Variants in CELF5 observed in about 807,000 individuals in gnomAD.
CELF5 encodes the protein CUGBP Elav-like family member 5.
Under a neutral mutation model 54.9 loss-of-function variants are expected in CELF5, and 6 were observed. That is an observed-to-expected ratio of 0.11 (90% confidence interval 0.06 to 0.22). The LOEUF is 0.22. CELF5 is among the 10% of genes least tolerant of loss of function. The pLI, the probability that CELF5 is intolerant of heterozygous loss-of-function variation, is 1.00. For synonymous variants in CELF5, 271 were observed against 290.9 expected (o/e 0.93, Z 0.70); for missense variants, 401 against 678.6 (o/e 0.59, Z 4.54).
In CELF5 at chr19:3,275,019, C is replaced by G. The variant is rs1199281202; in HGVS notation, c.395-837C>G. 1.3e-5 allele frequency among the ~76,000 whole-genome samples: 2 copies of G among 152,074 alleles called. No individual in the cohort carries two copies. Among genetic ancestry groups the G allele is most frequent in the Non-Finnish European group, 2.9e-5 (2 of 68,018 alleles). On this transcript the variant is annotated intron_variant, in intron 3 of 12. Coordinates refer to ENST00000292672, the MANE Select transcript of CELF5 (RefSeq NM_021938.4). This position sits in a 1 kb window ranked among gnomAD's most constrained non-coding sequence, Gnocchi z 6.7. ...CTTTCGCGCGCACTCTCTCTCTGAT[C>G]TGTCTCTCTCTCTCCCTGATTCTCA...
chr19:3,275,816 A>G lies in CELF5; in HGVS notation c.395-40A>G, dbSNP rs1185383421. On this transcript the variant is annotated intron_variant, in intron 3 of 12. Transcript: ENST00000292672. This position sits in a 1 kb window ranked among gnomAD's most constrained non-coding sequence, Gnocchi z 6.7. ...GGAGGAATCCCGGAGGCCCTCCCGGAGGCCGGGGACTCGGCTGAGGTGGGT... is the reference window on the plus strand; with the variant it reads ...GGAGGAATCCCGGAGGCCCTCCCGGGGGCCGGGGACTCGGCTGAGGTGGGT... 2 of 1,579,910 alleles carry G rather than the reference A, an allele frequency of 1.3e-6. No individual in the cohort carries two copies. The highest frequency in any genetic ancestry group is 4.6e-5 in the East Asian group (2 of 43,928).
intron 2 of CELF5, among the ~76,000 whole-genome samples, chr19:3,266,417 A>G (rs910589185): frequency 6.6e-6 from 1 of 151,484 alleles, no homozygotes; most frequent in Non-Finnish European, 1.5e-5. Flanking sequence ...AGTGAGACCC[A>G]GTACAAACAA....
At chr19:3,277,035 A>G (rs543261706) in intron 4 of CELF5, among the ~76,000 whole-genome samples, 17 of 152,216 alleles carry the variant, frequency 1.1e-4, no homozygotes, top group African/African-American at 2.9e-4. Flanking sequence ...CTGTCTGTCT[A>G]TCTTCCTGCC....
chr19:3,229,045 C>G (rs371513223), intron 1 of CELF5, among the ~76,000 whole-genome samples: 1 of 151,734 alleles, frequency 6.6e-6, no homozygotes, highest in South Asian at 2.1e-4. Context: ...TTCATAAGGC[C>G]CCGGAGCCTC....
At chr19:3,227,354 T>G (rs1026701606) in intron 1 of CELF5, among the ~76,000 whole-genome samples, 4 of 152,252 alleles carry the variant, frequency 2.6e-5, no homozygotes, top group Admixed American at 2.6e-4. Flanking sequence ...GTCAGGATTT[T>G]TGGGGAGAGG....
At position 3,282,326 on chromosome 19, in the gene CELF5, C is replaced by T. The variant is rs752836909; in HGVS notation, c.893-26C>T. On this transcript the variant is annotated intron_variant, in intron 7 of 12. Transcript: ENST00000292672. This position sits in a 1 kb window ranked among gnomAD's most constrained non-coding sequence, Gnocchi z 5.2. ...GCAGGGCTGGAGCCAGAACTGGCCT[C>T]CCCATGACCCTCTTCCGCTCTGCAG... 1.9e-6 allele frequency: 3 copies of T among 1,608,418 alleles called. No individual in the cohort carries two copies. The highest frequency in any genetic ancestry group is 1.7e-5 in the Admixed American group (1 of 60,006).
chr19:3,261,325 G>A (rs1296794935), intron 2 of CELF5, among the ~76,000 whole-genome samples: 1 of 152,066 alleles, frequency 6.6e-6, no homozygotes, highest in Admixed American at 6.6e-5. Flanking sequence ...GGCTGAGGCA[G>A]GAGAATTGCT....
intron 1 of CELF5, among the ~76,000 whole-genome samples, chr19:3,244,080 C>G (rs1342145081): frequency 6.6e-6 from 1 of 151,988 alleles, no homozygotes; most frequent in African/African-American, 2.4e-5. Flanking sequence ...TGAATCAAAG[C>G]TCTATTTATC....
intron 1 of CELF5, chr19:3,225,503 C>T (rs1332748838): frequency 2.2e-6 from 2 of 919,930 alleles, no homozygotes; most frequent in African/African-American, 1.9e-5. Context: ...TCCCCAGGCC[C>T]CGTCGGGGAA....
rs974441719 is a variant in CELF5 at position 3,281,726 on chromosome 19, G to A, written c.750+381G>A. Among the ~76,000 whole-genome samples the A allele has an allele frequency of 5.9e-5, 9 of 152,104 alleles. No individual in the cohort carries two copies. Among genetic ancestry groups the A allele is most frequent in the Admixed American group, 3.9e-4 (6 of 15,256 alleles). On this transcript the variant is annotated intron_variant, in intron 6 of 12. Transcript: ENST00000292672. The surrounding 1 kb of genome is among the most constrained non-coding windows in gnomAD (Gnocchi z 6.5). ...GCTCCTGACTGAACCCTGATCCCAG[G>A]CTGAGCCTCAATTTCTAACTAAACC...
In CELF5 at chr19:3,224,976, C is replaced by G; in HGVS notation, c.237C>G (p.Asp79Glu). The change falls in exon 1 of 13, where the codon GAC (aspartate) becomes GAG (glutamate). Residue 79 changes from aspartate to glutamate, a missense_variant. Transcript: ENST00000292672. ...GRIYELTVLKDPYTGMHKGCA... is the reference protein window; with the variant it reads ...GRIYELTVLKEPYTGMHKGCA... ...TCTACGAGCTCACGGTGCTCAAAGA[C>G]CCCTACACGGGGATGCACAAAGGTG... The G allele has an allele frequency of 6.3e-7, 1 of 1,599,780 alleles. No individual in the cohort carries two copies. The highest frequency in any genetic ancestry group is 8.5e-7 in the Non-Finnish European group (1 of 1,173,812).
intron 1 of CELF5, among the ~76,000 whole-genome samples, chr19:3,233,650 C>A (rs576803354): frequency 1.3e-5 from 2 of 152,160 alleles, no homozygotes; most frequent in East Asian, 3.9e-4. Flanking sequence ...GCAAGGAGGC[C>A]CTTGTGGCTG....
intron 1 of CELF5, among the ~76,000 whole-genome samples, chr19:3,241,101 C>T (rs989262247): frequency 1.4e-5 from 2 of 147,946 alleles, no homozygotes; most frequent in Non-Finnish European, 3.0e-5. Context: ...CTTGCTCTGT[C>T]ACCAGGCTGG....
intron 2 of CELF5, among the ~76,000 whole-genome samples, chr19:3,273,289 G>C (rs778319855): frequency 3.9e-5 from 6 of 152,026 alleles, no homozygotes; most frequent in Non-Finnish European, 7.4e-5. Flanking sequence ...ACTGGGCTTA[G>C]CTGGGTCAGG....
chr19:3,274,688 CCTCTCCATCTCA>C (rs1029198443), intron 3 of CELF5, among the ~76,000 whole-genome samples: 8 of 152,250 alleles, frequency 5.3e-5, no homozygotes, highest in Admixed American at 4.6e-4. Flanking sequence ...TTGTATATTT[CCTCTCCATCTCA>C]AGTGGAGACT....
chr19:3,225,685 G>C (rs1916866965), intron 1 of CELF5: 1 of 748,348 alleles, frequency 1.3e-6, no homozygotes, highest in Non-Finnish European at 1.6e-6. Context: ...CGCCTGCCTC[G>C]GGTGGCGGAG....
intron 2 of CELF5, among the ~76,000 whole-genome samples, chr19:3,251,645 A>G (rs1372592010): frequency 1.4e-5 from 2 of 143,994 alleles, no homozygotes. Flanking sequence ...CCTTAACACA[A>G]GGGCTTCTTT....
intron 2 of CELF5, among the ~76,000 whole-genome samples, chr19:3,262,560 C>T (rs2079819955): frequency 6.6e-6 from 1 of 152,092 alleles, no homozygotes; most frequent in South Asian, 2.1e-4. Context: ...TCATGGACAG[C>T]ATAGGTCTAG....
Position 3,284,884 on chromosome 19 carries a change from C to G in CELF5, c.1040-18C>G. 6.2e-7 allele frequency: 1 copy of G among 1,612,394 alleles called. No homozygotes were observed. Among genetic ancestry groups the G allele is most frequent in the Non-Finnish European group, 8.5e-7 (1 of 1,178,974 alleles). On this transcript the variant is annotated intron_variant, in intron 8 of 12. Transcript: ENST00000292672. The stretch of plus-strand genomic sequence containing the variant: ...TTCTGCTGCTCCCGCCCCACTCAGC[C>G]CCTCTGTCTGCCCGCAGCTCAGAGC...
Sources: gnomAD v4.1 joint callset for allele counts (sites outside exome capture counted in the v4.1 genomes callset) on GRCh38, gnomAD v4.1.1 for gene constraint, Gnocchi (gnomAD v3.1) non-coding constraint, MANE v1.5 for transcripts, NCBI Gene and HGNC (gene_info 2026-07-23, HGNC 2026-07-21) for gene names.